The following ERN2 variants were observed in gnomAD, a reference collection of about 807,000 sequenced individuals.
ERN2 encodes the protein endoplasmic reticulum to nucleus signaling 2, also known as serine/threonine-protein kinase/endoribonuclease IRE2.
A neutral mutation model predicts 107.9 loss-of-function variants in ERN2; 111 were observed. The observed-to-expected ratio is 1.03, with a 90% CI of 0.88 to 1.20. The LOEUF (loss-of-function observed/expected upper bound fraction) is 1.20. ERN2 is among the 50% of genes most tolerant of loss of function. The probability of loss-of-function intolerance (pLI) is 0.00; values close to 1 mark genes in which losing one functional copy is unlikely to be tolerated. For missense variants in ERN2, 1,225 were observed against 1,197.9 expected, an observed-to-expected ratio of 1.02 and a Z score of -0.33; for synonymous variants, 524 against 501.7, an observed-to-expected ratio of 1.04 and a Z score of -0.59.
At position 23,700,664 on chromosome 16, in the gene ERN2, A is replaced by T. The variant is rs1567248304; in HGVS notation, c.1400T>A (p.Leu467Gln). Reference sequence around the variant, plus strand: ...GATGTGAGCAAAGTCTGCAGGTGCCAGGGGGGTCTCCTGCTGCTTCTCCAC... The same window carrying T: ...GATGTGAGCAAAGTCTGCAGGTGCCTGGGGGGTCTCCTGCTGCTTCTCCAC... ...QVVEKQQETP[L>Q]APADFAHISQ... Residue 467 changes from leucine (L) to glutamine (Q), a missense_variant, in exon 13 of 22, where the codon CTG becomes CAG. Transcript: ENST00000256797. The T allele has an allele frequency of 6.2e-7, 1 of 1,613,902 alleles. No individual in the cohort carries two copies. The highest frequency in any genetic ancestry group is 2.2e-5 in the East Asian group (1 of 44,874).
At chr16:23,696,605 G>A (rs1191802854) in intron 13 of ERN2, 1 of 152,370 alleles carries the variant, frequency 6.6e-6, no homozygotes, top group Non-Finnish European at 1.5e-5. Flanking sequence ...TACCCCTAGA[G>A]GCCTCGGTTT....
At chr16:23,709,650 A>G (rs1312266532) in intron 4 of ERN2, 4 of 182,358 alleles carry the variant, frequency 2.2e-5, no homozygotes, top group Non-Finnish European at 3.5e-5. Context: ...GATAAGAGAC[A>G]TATGGCCCAG....
chr16:23,695,139 AAGCATCACTCTCC>A, intron 15 of ERN2, 21 bp from the exon 16 acceptor site: 1 of 1,613,716 alleles, frequency 6.2e-7, no homozygotes, highest in Middle Eastern at 1.7e-4. Context: ...GCAAGGGCCA[AAGCATCACTCTCC>A]AGCCCGGACC....
At chr16:23,703,378 T>TGGA (rs1960169277) in intron 8 of ERN2, among the ~76,000 whole-genome samples, 1 of 152,216 alleles carries the variant, frequency 6.6e-6, no homozygotes, top group Non-Finnish European at 1.5e-5. Context: ...TTTGACTCCT[T>TGGA]GCTCACAATC....
Position 23,691,034 on chromosome 16 carries a change from A to G in ERN2, c.2578T>C (p.Tyr860His). Residue 860 changes from tyrosine (Y) to histidine (H), a missense_variant, in exon 22 of 22, where the codon TAC (tyrosine) becomes CAC (histidine). Physicochemically the swap from Tyr to His is moderately conservative, Grantham distance 83. Transcript: ENST00000256797. ...CGCACCTCAACTGGGAGCTCCCTGT[A>G]GTGGTGCTTCTGTGGGTAGGTAGAG... ...LRAVRNKKHHYRELPVEVRQA... is the reference protein window; with the variant it reads ...LRAVRNKKHHHRELPVEVRQA... The G allele has an allele frequency of 6.2e-7, 1 of 1,614,098 alleles. No homozygotes were observed. Among genetic ancestry groups the G allele is most frequent in the South Asian group, 1.1e-5 (1 of 91,086 alleles).
intron 14 of ERN2, among the ~76,000 whole-genome samples, 170 bp downstream of exon 14, chr16:23,695,722 CAA>C (rs57103138): frequency 9.0e-3 from 336 of 37,346 alleles, no homozygotes; most frequent in Non-Finnish European, 0.012. Flanking sequence ...GAGCAAGACT[CAA>C]AAAAAAAAAA....
intron 13 of ERN2, chr16:23,697,097 G>T (rs1959858950): frequency 2.6e-5 from 4 of 151,764 alleles, no homozygotes; most frequent in Admixed American, 2.6e-4. Context: ...CTTGAGCCTG[G>T]GAAGCAGATG....
intron 4 of ERN2, 185 bp from the exon 5 acceptor site, chr16:23,707,264 CA>C: frequency 1.7e-6 from 1 of 603,948 alleles, no homozygotes; most frequent in Non-Finnish European, 3.0e-6. Context: ...TACTAAATGG[CA>C]GAGCCTGGCC....
At position 23,690,875 on chromosome 16, in the gene ERN2, C is replaced by T. The variant is rs780351671; in HGVS notation, c.2737G>A (p.Asp913Asn). The change falls in exon 22 of 22, where the codon GAC becomes AAC. Residue 913 changes from aspartate (D) to asparagine (N), a missense_variant. Asp to Asn is a conservative substitution (Grantham distance 23). Coordinates refer to ENST00000256797, the MANE Select transcript of ERN2 (RefSeq NM_033266.4). ...ESLFLPYYPP[D>N]SEARRPCPGA... ...GGGCATGGCCTCCTGGCCTCTGAGT[C>T]TGGCGGGTAGTAGGGCAGGAAGAGG... 2.5e-6 allele frequency: 4 copies of T among 1,613,812 alleles called. No individual in the cohort carries two copies. Among genetic ancestry groups the T allele is most frequent in the Non-Finnish European group, 3.4e-6 (4 of 1,180,048 alleles).
Position 23,702,278 on chromosome 16 carries a change from G to T in ERN2, c.1082-5C>A. The T allele has an allele frequency of 6.2e-7, 1 of 1,614,074 alleles. No homozygotes were observed. On this transcript the variant is annotated splice_region_variant and splice_polypyrimidine_tract_variant and intron_variant, in intron 10 of 21. Coordinates refer to ENST00000256797, the MANE Select transcript of ERN2 (RefSeq NM_033266.4). ...CTGGGGGTAGCTCGTGGTGTCCTAA[G>T]GTGGGGGGCAAAAGTCATCAGGCTG...
At chr16:23,696,015 G>A (rs994114879) in intron 13 of ERN2, 37 bp from the exon 14 acceptor site, 20 of 1,514,470 alleles carry the variant, frequency 1.3e-5, no homozygotes, top group Middle Eastern at 1.7e-4. Flanking sequence ...GGGAGCCTCT[G>A]CCCACCTTTG....
Position 23,695,845 on chromosome 16 carries a change from G to A in ERN2, c.1610+49C>T, listed in dbSNP as rs541829905. The A allele has an allele frequency of 3.2e-5, 47 of 1,447,374 alleles. No homozygotes were observed. The East Asian group carries it at 6.2e-4, about 19-fold the overall frequency. The allele number at this position is 1,447,374 out of a possible 1,614,324, so 89.7% of individuals were successfully genotyped here. A position where few individuals can be genotyped will look rare whatever the true frequency, so the allele number is the denominator to read the frequency against. ...TGTCTCTCCAGGGGACAGTGCCCAC[G>A]AGGGCTGTGAGTGCCATGTCCCCAG... On this transcript the variant is annotated intron_variant, in intron 14 of 21. Transcript: ENST00000256797.
chr16:23,700,544 G>A lies in ERN2; in HGVS notation c.1520C>T (p.Pro507Leu). Residue 507 changes from proline (P) to leucine (L), a missense_variant, in exon 13 of 22, where the codon CCT (proline) becomes CTT (leucine). Coordinates refer to ENST00000256797, the MANE Select transcript of ERN2 (RefSeq NM_033266.4). ...PSKQAQPLDD[P>L]EAEQLTVVGK... Reference sequence around the variant, plus strand: ...TCTTGTTCACACAGGCTCACCTTCAGGGTCGTCGAGTGGCTGGGCTTGCTT... The same window carrying A: ...TCTTGTTCACACAGGCTCACCTTCAAGGTCGTCGAGTGGCTGGGCTTGCTT... The A allele has an allele frequency of 6.2e-7, 1 of 1,611,906 alleles. No individual in the cohort carries two copies. Among genetic ancestry groups the A allele is most frequent in the South Asian group, 1.1e-5 (1 of 90,750 alleles).
At chr16:23,708,333 C>G (rs1960405215) in intron 4 of ERN2, among the ~76,000 whole-genome samples, 1 of 148,584 alleles carries the variant, frequency 6.7e-6, no homozygotes, top group South Asian at 2.1e-4. Context: ...CAGATCTTTC[C>G]ATTTGGTGCT....
In ERN2 at chr16:23,705,075, C is replaced by T. The variant is rs1454581440; in HGVS notation, c.662G>A (p.Trp221Ter). 1.2e-6 allele frequency: 2 copies of T among 1,614,024 alleles called. No homozygotes were observed. Among genetic ancestry groups the T allele is most frequent in the Admixed American group, 1.7e-5 (1 of 60,024 alleles). Reference protein sequence around the residue: ...TVDPGSGTVLWTQDLGVPVMG... With the variant: ...TVDPGSGTVL ...CACAGGCACGCCCAGGTCCTGTGTC[C>T]ACAGCACCGTCCCGCTTCCTGGGTC... Residue 221 changes from tryptophan (W) to a stop codon, truncating the protein, a stop_gained, in exon 8 of 22, where the codon TGG becomes TAG. Coordinates refer to ENST00000256797, the MANE Select transcript of ERN2 (RefSeq NM_033266.4). LOFTEE classifies it high-confidence loss of function.
At chr16:23,691,497 C>A in intron 19 of ERN2, 72 bp from the exon 20 acceptor site, 1 of 1,541,556 alleles carries the variant, frequency 6.5e-7, no homozygotes, top group Non-Finnish European at 8.7e-7. Flanking sequence ...TGTTGTCTTA[C>A]AGGAGTAGTT....
chr16:23,712,246 T>G (rs1253656107), intron 1 of ERN2: 2 of 165,022 alleles, frequency 1.2e-5, no homozygotes, highest in East Asian at 1.9e-4. Context: ...GGCTGCAGAT[T>G]GGTTGCCCAG....
intron 1 of ERN2, 63 bp from the exon 2 acceptor site, chr16:23,711,081 C>T: frequency 1.7e-6 from 2 of 1,150,652 alleles, no homozygotes; most frequent in Non-Finnish European, 2.6e-6. Context: ...TTGCTCCTGT[C>T]CCAAGCAGGG....
intron 6 of ERN2, 116 bp downstream of exon 6, chr16:23,706,638 G>A (rs985776822): frequency 2.5e-6 from 2 of 814,258 alleles, no homozygotes; most frequent in African/African-American, 1.7e-5. Flanking sequence ...TAGAATGTTT[G>A]TTGATGACTA....
Sources: gnomAD v4.1 joint callset for allele counts (sites outside exome capture counted in the v4.1 genomes callset) on GRCh38, gnomAD v4.1.1 for gene constraint, MANE v1.5 for transcripts, NCBI Gene and HGNC (gene_info 2026-07-23, HGNC 2026-07-21) for gene names.